Variants in PTPRC observed in about 807,000 individuals in gnomAD.
PTPRC encodes the protein receptor-type tyrosine-protein phosphatase C.
PTPRC carries 44 observed loss-of-function variants against 155.9 expected under a neutral mutation model. The ratio of observed to expected loss-of-function variants is 0.28; its 90% confidence interval spans 0.22 to 0.36. PTPRC has a LOEUF of 0.36. PTPRC is among the 10% of genes least tolerant of loss of function. The pLI, the probability that PTPRC is intolerant of heterozygous loss-of-function variation, is 1.00. For missense variants in PTPRC, 1,401 were observed against 1,564.6 expected (o/e 0.90, Z 1.76); for synonymous variants, 525 against 533.1 (o/e 0.98, Z 0.21).
At chr1:198,669,859 C>A (rs555388368) in intron 2 of PTPRC, among the ~76,000 whole-genome samples, 1 of 152,192 alleles carries the variant, frequency 6.6e-6, no homozygotes, top group East Asian at 1.9e-4. Context: ...TCTTCTTACC[C>A]ACTTCTCTTA....
intron 11 of PTPRC, chr1:198,712,667 C>G (rs1466971654): frequency 3.2e-6 from 1 of 309,706 alleles, no homozygotes; most frequent in African/African-American, 2.2e-5. Context: ...AGTATCTGGG[C>G]AAGAATATAT....
At chr1:198,667,404 A>G (rs188290439) in intron 2 of PTPRC, among the ~76,000 whole-genome samples, 2 of 152,334 alleles carry the variant, frequency 1.3e-5, no homozygotes, top group East Asian at 3.9e-4. Flanking sequence ...ATATGATTGA[A>G]TCTATATTAG....
In PTPRC at chr1:198,754,385, C is replaced by T; in HGVS notation, c.3626C>T (p.Pro1209Leu). The change falls in exon 32 of 33, where the codon CCA becomes CTA. Residue 1209 changes from proline (P) to leucine (L), a missense_variant. Coordinates refer to ENST00000442510, the MANE Select transcript of PTPRC (RefSeq NM_002838.5). ...QVVKALRKAR[P>L]GMVSTFEQYQ... ...GTAAAAGCTCTACGCAAAGCTAGGC[C>T]AGGCATGGTTTCCACATTCGTAAGT... The T allele has an allele frequency of 6.2e-7, 1 of 1,613,470 alleles. No individual in the cohort carries two copies. Among genetic ancestry groups the T allele is most frequent in the Non-Finnish European group, 8.5e-7 (1 of 1,179,678 alleles).
intron 5 of PTPRC, 148 bp downstream of exon 5, chr1:198,699,852 T>C (rs920394810): frequency 5.0e-5 from 51 of 1,020,406 alleles, no homozygotes; most frequent in Middle Eastern, 5.9e-4. Context: ...CTTAGGAATA[T>C]GAAACCACAG....
intron 2 of PTPRC, among the ~76,000 whole-genome samples, chr1:198,678,786 T>C (rs1379337480): frequency 6.6e-6 from 1 of 152,102 alleles, no homozygotes; most frequent in Non-Finnish European, 1.5e-5. Flanking sequence ...AAAGATTCTT[T>C]GATGCTTTGC....
chr1:198,645,875 G>C (rs115628988), intron 2 of PTPRC, among the ~76,000 whole-genome samples: 1,546 of 151,772 alleles, frequency 0.01, 24 homozygotes, highest in African/African-American at 0.036. Flanking sequence ...GGATTTCTTA[G>C]TGTAAAAATA....
Position 198,732,231 on chromosome 1 carries a change from G to A in PTPRC, c.1975-69G>A, listed in dbSNP as rs952404555. The A allele has an allele frequency of 3.0e-5, 36 of 1,205,110 alleles. No individual in the cohort carries two copies. The East Asian group carries it at 3.1e-4, about 10-fold the overall frequency. The allele number at this position is 1,205,110 out of a possible 1,614,324, so 74.7% of individuals were successfully genotyped here. ...ACAGGATATCTCATTTACTCAAAAC[G>A]GTCATTGGTAAGGGGGAAATTATTT... is the stretch of plus-strand genomic sequence containing the variant. On this transcript the variant is annotated intron_variant, in intron 18 of 32. Coordinates refer to ENST00000442510, the MANE Select transcript of PTPRC (RefSeq NM_002838.5).
Position 198,734,223 on chromosome 1 carries a change from G to T in PTPRC, c.2170G>T (p.Ala724Ser), listed in dbSNP as rs770650182. 1.2e-6 allele frequency: 2 copies of T among 1,610,862 alleles called. No homozygotes were observed. The highest frequency in any genetic ancestry group is 1.1e-5 in the South Asian group (1 of 90,966). Residue 724 changes from alanine to serine, a missense_variant, in exon 21 of 33, where the codon GCT becomes TCT. Around this residue, in one of 3 missense-constraint regions of PTPRC, gnomAD observed 867 missense variants for 970.4 expected, o/e 0.89. Transcript: ENST00000442510. ...DGFKEPRKYI[A>S]AQGPRDETVD... The stretch of plus-strand genomic sequence containing the variant: ...TTTCAAAGAACCCAGGAAATACATT[G>T]CTGCACAAGGTAATTTCTTTGATAA...
chr1:198,670,861 G>A (rs865998973), intron 2 of PTPRC, among the ~76,000 whole-genome samples: 16 of 151,882 alleles, frequency 1.1e-4, no homozygotes, highest in East Asian at 1.9e-4. Flanking sequence ...AAAAAATGAC[G>A]AAATACAACA....
chr1:198,658,402 C>T (rs542627161), intron 2 of PTPRC, among the ~76,000 whole-genome samples: 10 of 152,180 alleles, frequency 6.6e-5, no homozygotes, highest in Admixed American at 2.6e-4. Flanking sequence ...CTTTCTTATA[C>T]AAGGAGGGAA....
At position 198,695,332 on chromosome 1, in the gene PTPRC, AT is replaced by A. The variant is rs1393751394; in HGVS notation, c.101-1374del. On this transcript the variant is annotated intron_variant, in intron 3 of 32. Coordinates refer to ENST00000442510, the MANE Select transcript of PTPRC (RefSeq NM_002838.5). Reference sequence around the variant, plus strand: ...CCAATCTTGTTGAACTGATTTAATTATTTTTTGTTGTGTGATATAGTTCAGT... The same window carrying A: ...CCAATCTTGTTGAACTGATTTAATTATTTTTGTTGTGTGATATAGTTCAGT... Among the ~76,000 whole-genome samples, 7 of 138,730 alleles carry A rather than the reference AT, an allele frequency of 5.0e-5. No individual in the cohort carries two copies. In the South Asian group the frequency reaches 1.6e-3, roughly 31 times the overall value. The allele number at this position is 138,730 out of a possible 152,430, so 91.0% of individuals were successfully genotyped here.
At chr1:198,733,821 C>G (rs1654504908) in intron 20 of PTPRC, among the ~76,000 whole-genome samples, 2 of 151,688 alleles carry the variant, frequency 1.3e-5, no homozygotes, top group African/African-American at 4.8e-5. Flanking sequence ...AACTACATGG[C>G]TGGTGAGCTT....
chr1:198,639,170 G>T (rs1365584624), intron 1 of PTPRC, 33 bp downstream of exon 1: 10 of 937,498 alleles, frequency 1.1e-5, no homozygotes, highest in Middle Eastern at 2.1e-4. Context: ...TTACATTTTT[G>T]ATTCGTTTTT....
intron 2 of PTPRC, among the ~76,000 whole-genome samples, chr1:198,668,702 G>A (rs1664467589): frequency 6.6e-6 from 1 of 152,230 alleles, no homozygotes; most frequent in South Asian, 2.1e-4. Context: ...AAGAATGATT[G>A]ATAAGGAATT....
chr1:198,747,507 G>A (rs970753699), intron 26 of PTPRC, among the ~76,000 whole-genome samples: 13 of 151,832 alleles, frequency 8.6e-5, no homozygotes, highest in Admixed American at 7.9e-4. Flanking sequence ...TAGAGCAGGC[G>A]AGATTGAAGA....
At chr1:198,688,078 G>T (rs1665729609) in intron 2 of PTPRC, among the ~76,000 whole-genome samples, 1 of 148,468 alleles carries the variant, frequency 6.7e-6, no homozygotes, top group South Asian at 2.1e-4. Context: ...TGGTGTGTGG[G>T]GTGTGTGTGT....
At chr1:198,739,696 C>T (rs1021162689) in intron 23 of PTPRC, among the ~76,000 whole-genome samples, 1 of 151,762 alleles carries the variant, frequency 6.6e-6, no homozygotes, top group African/African-American at 2.4e-5. Flanking sequence ...AACAAAGAAA[C>T]ATTGGTCTTA....
chr1:198,744,063 A>C lies in PTPRC; in HGVS notation c.2707A>C (p.Ile903Leu), dbSNP rs757388260. 5.0e-6 allele frequency: 8 copies of C among 1,603,858 alleles called. No individual in the cohort carries two copies. The African/African-American group carries it at 8.1e-5, about 16-fold the overall frequency. ...GTTCTTGAAATTGTAGGCCCAGTAC[A>C]TCTTGATCCATCAGGCTTTGGTGGA... ...CLMVQVEAQY[I>L]LIHQALVEYN... Residue 903 changes from isoleucine to leucine, a missense_variant, in exon 26 of 33, where the codon ATC becomes CTC. By Grantham distance (5) the Ile-to-Leu change is conservative. Transcript: ENST00000442510.
At chr1:198,716,928 T>C (rs556658510) in intron 13 of PTPRC, 88 bp downstream of exon 13, 3 of 1,277,044 alleles carry the variant, frequency 2.3e-6, no homozygotes, top group African/African-American at 1.5e-5. Context: ...ATCTTTATTC[T>C]AGCAAGCACA....
Sources: allele counts gnomAD v4.1 joint callset (sites outside exome capture counted in the v4.1 genomes callset), GRCh38; gene constraint gnomAD v4.1.1; regional missense constraint gnomAD v4.1.1; transcripts MANE v1.5; gene names NCBI Gene and HGNC (gene_info 2026-07-23, HGNC 2026-07-21).